The following MTAP variants were observed in gnomAD, a reference collection of about 807,000 sequenced individuals.
The protein encoded by MTAP is S-methyl-5'-thioadenosine phosphorylase.
MTAP carries 33 observed loss-of-function variants against 33.6 expected under a neutral mutation model. That is an observed-to-expected ratio of 0.98 (90% CI 0.74 to 1.31). MTAP has a LOEUF of 1.31. Among genes scored for constraint, MTAP ranks in the 40% most tolerant of loss-of-function variants. MTAP has a pLI of 0.00. For missense variants in MTAP, 367 were observed against 360.0 expected, an observed-to-expected ratio of 1.02 and a Z score of -0.16; for synonymous variants, 148 against 125.7, an observed-to-expected ratio of 1.18 and a Z score of -1.19.
chr9:21,928,162 T>C (rs1182912150), intron 1 of MTAP, among the ~76,000 whole-genome samples: 1 of 152,188 alleles, frequency 6.6e-6, no homozygotes, highest in Non-Finnish European at 1.5e-5. Flanking sequence ...ATGGTACATG[T>C]TGGGAGAACT....
chr9:21,861,993 T>G lies in MTAP; in HGVS notation c.831T>G (p.Ser277=). Reference sequence around the variant, plus strand: ...CCTTTCAGAATATGGCCCAGTTTTCTGTTTTATTACCAAGACATTAAAGTA... The same window carrying G: ...CCTTTCAGAATATGGCCCAGTTTTCGGTTTTATTACCAAGACATTAAAGTA... ...LHNLKNMAQF[S]VLLPRH Residue 277 remains serine, a synonymous_variant, in exon 8 of 8, where the codon TCT becomes TCG. Coordinates refer to ENST00000644715, the MANE Select transcript of MTAP (RefSeq NM_002451.4). 6.2e-7 allele frequency: 1 copy of G among 1,605,200 alleles called. No homozygotes were observed. Among genetic ancestry groups the G allele is most frequent in the Non-Finnish European group, 8.5e-7 (1 of 1,172,002 alleles).
At chr9:21,905,518 T>C (rs893357770) in intron 1 of MTAP, among the ~76,000 whole-genome samples, 9 of 152,184 alleles carry the variant, frequency 5.9e-5, no homozygotes, top group Non-Finnish European at 1.2e-4. Context: ...ATCACTGTCT[T>C]TTCCAGGAAC....
rs1587258484 is a variant in MTAP at position 21,862,793 on chromosome 9, G to A, written c.*779G>A. On this transcript the variant is annotated 3_prime_UTR_variant, in exon 8 of 8. Transcript: ENST00000644715. ...GCTATGTAAATATACAAAAAAACTA[G>A]AAAGAAATATATATAACCTTGTTAT... is the stretch of plus-strand genomic sequence containing the variant. The A allele has an allele frequency of 3.1e-6, 1 of 323,452 alleles. No individual in the cohort carries two copies. The highest frequency in any genetic ancestry group is 6.5e-5 in the Admixed American group (1 of 15,472). 20.0% of individuals were successfully genotyped at this position (323,452 alleles called of 1,614,324 possible).
At chr9:21,822,271 C>CTATA (rs553259902) in intron 4 of MTAP, among the ~76,000 whole-genome samples, 74 of 152,294 alleles carry the variant, frequency 4.9e-4, no homozygotes, top group Non-Finnish European at 5.0e-4. Context: ...GCATTTAGTG[C>CTATA]TATAAATTTC....
At chr9:21,805,681 A>G (rs1328944119) in intron 1 of MTAP, among the ~76,000 whole-genome samples, 4 of 152,240 alleles carry the variant, frequency 2.6e-5, no homozygotes, top group Non-Finnish European at 4.4e-5. Context: ...GAGGCCCCAG[A>G]GAGCTGCCTT....
intron 1 of MTAP, among the ~76,000 whole-genome samples, chr9:21,806,466 T>C (rs532500694): frequency 1.3e-5 from 2 of 152,054 alleles, no homozygotes; most frequent in East Asian, 3.9e-4. Flanking sequence ...CAGATACTGC[T>C]GGTTAGGGGG....
intron 5 of MTAP, among the ~76,000 whole-genome samples, chr9:21,846,050 T>C (rs1276591078): frequency 1.3e-5 from 2 of 152,282 alleles, no homozygotes; most frequent in East Asian, 3.9e-4. Context: ...TGCAGGATAA[T>C]TGGCAAGCCA....
At chr9:21,925,608 G>C (rs7865780) in intron 1 of MTAP, among the ~76,000 whole-genome samples, 1 of 152,186 alleles carries the variant, frequency 6.6e-6, no homozygotes, top group African/African-American at 2.4e-5. Context: ...ACAAACTGCC[G>C]CAGTGGGACA....
At chr9:21,821,496 G>A (rs998680879) in intron 4 of MTAP, among the ~76,000 whole-genome samples, 1 of 152,174 alleles carries the variant, frequency 6.6e-6, no homozygotes, top group Admixed American at 6.5e-5. Context: ...TGGTGGATAA[G>A]CTTTTTGATG....
In MTAP at chr9:21,815,456, C is replaced by A. The variant is rs144004211; in HGVS notation, c.57C>A (p.Gly19=). The change falls in exon 2 of 8, where the codon GGC becomes GGA. Residue 19 remains glycine, a synonymous_variant. Transcript: ENST00000644715. The part of the protein sequence containing the change: ...AVKIGIIGGT[G]LDDPEILEGR... ...AGATTGGAATAATTGGTGGAACAGG[C>A]CTGGATGATCCAGAAATTTTAGAAG... 11 of 1,609,518 alleles carry A rather than the reference C, an allele frequency of 6.8e-6. No homozygotes were observed. Among genetic ancestry groups the A allele is most frequent in the South Asian group, 2.2e-5 (2 of 90,276 alleles).
At chr9:21,804,857 G>GACT (rs557362244) in intron 1 of MTAP, among the ~76,000 whole-genome samples, 10 of 152,222 alleles carry the variant, frequency 6.6e-5, no homozygotes, top group Non-Finnish European at 1.5e-4. Context: ...ATTGGGCCTA[G>GACT]AGCCTGGCAT....
At chr9:21,921,209 A>G (rs1268430777) in intron 1 of MTAP, among the ~76,000 whole-genome samples, 1 of 151,904 alleles carries the variant, frequency 6.6e-6, no homozygotes, top group African/African-American at 2.4e-5. Context: ...GTTGTCCATA[A>G]TTGTTTTTAA....
At chr9:21,876,824 G>A (rs976044831) in intron 1 of MTAP, among the ~76,000 whole-genome samples, 28 of 152,004 alleles carry the variant, frequency 1.8e-4, no homozygotes, top group African/African-American at 6.3e-4. Context: ...TTCTCTTTGC[G>A]TAGGATTGCC....
At chr9:21,840,029 A>T (rs959069592) in intron 5 of MTAP, among the ~76,000 whole-genome samples, 3 of 152,216 alleles carry the variant, frequency 2.0e-5, no homozygotes, top group African/African-American at 7.2e-5. Flanking sequence ...GATCAAGAAC[A>T]TTCTGGCTAA....
chr9:21,832,424 T>C (rs1322730539), intron 4 of MTAP, among the ~76,000 whole-genome samples: 5 of 152,256 alleles, frequency 3.3e-5, no homozygotes, highest in Admixed American at 1.3e-4. Flanking sequence ...CTTTCTCTCA[T>C]TGCTAAAAAT....
At chr9:21,934,817 C>T (rs1483565547), downstream of MTAP, 1 of 152,090 alleles carries the variant, frequency 6.6e-6, no homozygotes, top group African/African-American at 2.4e-5. This position sits in a 1 kb window ranked among gnomAD's most constrained non-coding sequence, Gnocchi z 5.0. Flanking sequence ...TCTCCTACCT[C>T]AGCCTCCTGA....
chr9:21,864,623 C>A lies in MTAP; in HGVS notation c.*2609C>A. Reference sequence around the variant, plus strand: ...TGGTCCTTGTGACCTGGCCCCTGTTCACTGCCCCCTTCGCTAGCACGAGTT... The same window carrying A: ...TGGTCCTTGTGACCTGGCCCCTGTTAACTGCCCCCTTCGCTAGCACGAGTT... On this transcript the variant is annotated 3_prime_UTR_variant, in exon 8 of 8. Coordinates refer to ENST00000644715, the MANE Select transcript of MTAP (RefSeq NM_002451.4). 8.1e-6 allele frequency: 8 copies of A among 985,486 alleles called. No individual in the cohort carries two copies. Among genetic ancestry groups the A allele is most frequent in the Non-Finnish European group, 9.6e-6 (8 of 829,978 alleles). 61.0% of individuals were successfully genotyped at this position (985,486 alleles called of 1,614,324 possible). A position where few individuals can be genotyped will look rare whatever the true frequency, so the allele number is the denominator to read the frequency against.
At position 21,854,903 on chromosome 9, in the gene MTAP, A is replaced by G. The variant is rs1357849533; in HGVS notation, c.690+33A>G. On this transcript the variant is annotated intron_variant, in intron 6 of 7. Transcript: ENST00000644715. ...GAATTCTTTTCTAAGCACATATAGC[A>G]TGGGTTTCTGGGTGCCAATAGGGTG... 30 of 1,610,218 alleles carry G rather than the reference A, an allele frequency of 1.9e-5. No individual in the cohort carries two copies. The East Asian group carries it at 5.1e-4, about 28-fold the overall frequency.
chr9:21,841,659 C>T lies in MTAP; in HGVS notation c.450+3649C>T, dbSNP rs141533344. On this transcript the variant is annotated intron_variant, in intron 5 of 7. Coordinates refer to ENST00000644715, the MANE Select transcript of MTAP (RefSeq NM_002451.4). ...AGAGCCTGGTGGCCTCAATGGGTGGCTAGACCCAGAAGAGCAATAACAGTC... is the reference window on the plus strand; with the variant it reads ...AGAGCCTGGTGGCCTCAATGGGTGGTTAGACCCAGAAGAGCAATAACAGTC... 9.8e-5 allele frequency among the ~76,000 whole-genome samples: 15 copies of T among 152,320 alleles called. No individual in the cohort carries two copies. In the East Asian group the frequency reaches 2.9e-3, roughly 29 times the overall value.
Sources: allele counts gnomAD v4.1 joint callset (sites outside exome capture counted in the v4.1 genomes callset), GRCh38; gene constraint gnomAD v4.1.1; non-coding constraint Gnocchi (gnomAD v3.1); transcripts MANE v1.5; gene names NCBI Gene and HGNC (gene_info 2026-07-23, HGNC 2026-07-21).